The following IL17F variants were observed in gnomAD, a reference collection of about 807,000 sequenced individuals.
IL17F encodes interleukin 17F.
In IL17F, 6 loss-of-function variants were observed where a neutral mutation model predicts 8.3. That is an observed-to-expected ratio of 0.73 (90% CI 0.40 to 1.43). The LOEUF (loss-of-function observed/expected upper bound fraction) is 1.43, where lower values mean the gene tolerates loss of function less well. Ranked by LOEUF, IL17F falls within the 40% of genes most tolerant of loss-of-function variation. The pLI, the probability that IL17F is intolerant of heterozygous loss-of-function variation, is 0.02. For synonymous variants in IL17F, 98 were observed against 81.6 expected, an observed-to-expected ratio of 1.20 and a Z score of -1.08; for missense variants, 204 against 209.6, an observed-to-expected ratio of 0.97 and a Z score of 0.17.
chr6:52,243,299 A>G (rs1444617597), intron 1 of IL17F, among the ~76,000 whole-genome samples: 1 of 152,234 alleles, frequency 6.6e-6, no homozygotes, highest in East Asian at 1.9e-4. Flanking sequence ...GTACCTCTAT[A>G]GTAAATTCTT....
chr6:52,242,580 T>C (rs538131328), intron 1 of IL17F, among the ~76,000 whole-genome samples: 31 of 152,332 alleles, frequency 2.0e-4, no homozygotes, highest in African/African-American at 6.0e-4. Flanking sequence ...TGCAATGGCT[T>C]TAAATTCACA....
chr6:52,238,036 G>A (rs201030654), intron 2 of IL17F, among the ~76,000 whole-genome samples: 4 of 152,294 alleles, frequency 2.6e-5, no homozygotes, highest in African/African-American at 7.2e-5. Flanking sequence ...TCATCCACTC[G>A]CTAAGCTGGA....
At chr6:52,245,634 C>A (rs1764147252), upstream of IL17F, among the ~76,000 whole-genome samples, 1 of 152,222 alleles carries the variant, frequency 6.6e-6, no homozygotes. Context: ...TTTCTTAGAA[C>A]TTCCACAAGT....
At chr6:52,239,160 C>T (rs1464442541) in intron 1 of IL17F, 1 of 574,488 alleles carries the variant, frequency 1.7e-6, no homozygotes, top group Non-Finnish European at 3.1e-6. Flanking sequence ...TAGCTAGTAA[C>T]TGAAGCCCTC....
upstream of IL17F, among the ~76,000 whole-genome samples, chr6:52,245,551 A>C (rs1313246376): frequency 6.6e-6 from 1 of 152,264 alleles, no homozygotes; most frequent in East Asian, 1.9e-4. Flanking sequence ...AAGGGTCACA[A>C]GCACAGAAGT....
chr6:52,242,062 G>A (rs722323), intron 1 of IL17F, among the ~76,000 whole-genome samples: 63,619 of 152,052 alleles, frequency 0.42, 13,786 homozygotes, highest in East Asian at 0.5. Flanking sequence ...ATGTAATACA[G>A]AGCAGGGGCT....
Position 52,237,043 on chromosome 6 carries a change from G to T in IL17F, c.380C>A (p.Thr127Asn), listed in dbSNP as rs780259967. The change falls in exon 3 of 3, where the codon ACC becomes AAC. Residue 127 changes from threonine to asparagine, a missense_variant. Physicochemically the swap from Thr to Asn is moderately conservative, Grantham distance 65. Coordinates refer to ENST00000336123, the MANE Select transcript of IL17F (RefSeq NM_052872.4). ...TTGGTGCTTCCTCCGGACGACCAGG[G>T]TCTCTTGCTGGATGGGAACGGAATT... ...SMNSVPIQQETLVVRRKHQGC... is the reference protein window; with the variant it reads ...SMNSVPIQQENLVVRRKHQGC... 1.9e-6 allele frequency: 3 copies of T among 1,614,244 alleles called. No homozygotes were observed. The Admixed American group carries it at 5.0e-5, about 27-fold the overall frequency.
intron 1 of IL17F, among the ~76,000 whole-genome samples, chr6:52,243,317 C>T (rs2128268708): frequency 6.6e-6 from 1 of 152,290 alleles, no homozygotes; most frequent in African/African-American, 2.4e-5. Flanking sequence ...CTTCTCAGGC[C>T]TTATCTGACT....
intron 2 of IL17F, among the ~76,000 whole-genome samples, chr6:52,237,406 C>T (rs764848342): frequency 1.3e-5 from 2 of 152,186 alleles, no homozygotes; most frequent in Non-Finnish European, 2.9e-5. Context: ...TCTCATGCAA[C>T]TGTTGAGAAT....
Position 52,237,047 on chromosome 6 carries a change from C to T in IL17F, c.376G>A (p.Glu126Lys). Residue 126 changes from glutamate to lysine, a missense_variant, in exon 3 of 3, where the codon GAG becomes AAG. Coordinates refer to ENST00000336123, the MANE Select transcript of IL17F (RefSeq NM_052872.4). ...ISMNSVPIQQ[E>K]TLVVRRKHQG... is the part of the protein sequence containing the mutation. Reference sequence around the variant, plus strand: ...TGCTTCCTCCGGACGACCAGGGTCTCTTGCTGGATGGGAACGGAATTCATG... The same window carrying T: ...TGCTTCCTCCGGACGACCAGGGTCTTTTGCTGGATGGGAACGGAATTCATG... 1.2e-6 allele frequency: 2 copies of T among 1,614,254 alleles called. No individual in the cohort carries two copies. The highest frequency in any genetic ancestry group is 1.7e-6 in the Non-Finnish European group (2 of 1,180,024).
At chr6:52,243,590 T>C (rs1171008519) in intron 1 of IL17F, among the ~76,000 whole-genome samples, 3 of 152,166 alleles carry the variant, frequency 2.0e-5, no homozygotes, top group Admixed American at 6.5e-5. Context: ...ACATAATCCC[T>C]AAAGTGCTGG....
At position 52,236,964 on chromosome 6, in the gene IL17F, G is replaced by T. The variant is rs1414979462; in HGVS notation, c.459C>A (p.Thr153=). 6.2e-7 allele frequency: 1 copy of T among 1,614,022 alleles called. No individual in the cohort carries two copies. Among genetic ancestry groups the T allele is most frequent in the African/African-American group, 1.3e-5 (1 of 74,918 alleles). ...LEKVLVTVGC[T]CVTPVIHHVQ is the part of the protein sequence containing the mutation. ...CATGGTGGATGACAGGGGTGACGCA[G>T]GTGCAGCCAACAGTCACCAGCACCT... Residue 153 remains threonine, a synonymous_variant, in exon 3 of 3, where the codon ACC becomes ACA. Transcript: ENST00000336123.
chr6:52,241,673 A>G (rs111316048), intron 1 of IL17F, among the ~76,000 whole-genome samples: 483 of 152,278 alleles, frequency 3.2e-3, no homozygotes, highest in African/African-American at 0.011. Context: ...CTCTTTAAAC[A>G]CTGGATTTTC....
intron 1 of IL17F, among the ~76,000 whole-genome samples, chr6:52,243,941 T>G (rs550201972): frequency 5.3e-5 from 8 of 152,302 alleles, no homozygotes; most frequent in Non-Finnish European, 8.8e-5. Flanking sequence ...TTTGTATTTT[T>G]AGTAGAGACA....
At chr6:52,238,612 T>C (rs1764010434) in intron 2 of IL17F, 118 bp downstream of exon 2, 1 of 936,078 alleles carries the variant, frequency 1.1e-6, no homozygotes. Context: ...GAAATTTTCA[T>C]TGTTAAGAGG....
In IL17F at chr6:52,236,976, A is replaced by T. The variant is rs1446649876; in HGVS notation, c.447T>A (p.Thr149=). 1.9e-6 allele frequency: 3 copies of T among 1,614,054 alleles called. No homozygotes were observed. Among genetic ancestry groups the T allele is most frequent in the Non-Finnish European group, 2.5e-6 (3 of 1,179,990 alleles). ...CAGGGGTGACGCAGGTGCAGCCAAC[A>T]GTCACCAGCACCTTCTCCAACTGGA... ...VSFQLEKVLV[T]VGCTCVTPVI... The change falls in exon 3 of 3, where the codon ACT becomes ACA. Residue 149 remains threonine (T), a synonymous_variant. Transcript: ENST00000336123.
Position 52,238,811 on chromosome 6 carries a change from T to A in IL17F, c.173A>T (p.Asp58Val). Residue 58 changes from aspartate to valine, a missense_variant, in exon 2 of 3, where the codon GAC becomes GTC. Physicochemically the swap from Asp to Val is radical, Grantham distance 152. Transcript: ENST00000336123. ...PPVPGGSMKL[D>V]IGIINENQRV... ...CTGGTTTTCATTGATGATGCCAATG[T>A]CAAGCTTCATACTACCTCCTGGCAC... 6.2e-7 allele frequency: 1 copy of A among 1,614,162 alleles called. No individual in the cohort carries two copies. The highest frequency in any genetic ancestry group is 8.5e-7 in the Non-Finnish European group (1 of 1,179,990).
Position 52,237,128 on chromosome 6 carries a change from G to C in IL17F, c.295C>G (p.Gln99Glu). ...DPNRYPSEVVQAQCRNLGCIN... is the reference protein window; with the variant it reads ...DPNRYPSEVVEAQCRNLGCIN... The stretch of plus-strand genomic sequence containing the variant: ...CAGCCCAAGTTCCTACACTGGGCCT[G>C]TACAACTTCCGAGGGGTACCGGTTG... Residue 99 changes from glutamine (Q) to glutamate (E), a missense_variant, in exon 3 of 3, where the codon CAG becomes GAG. Physicochemically the swap from Gln to Glu is conservative, Grantham distance 29. Transcript: ENST00000336123. The C allele has an allele frequency of 6.2e-7, 1 of 1,614,144 alleles. No homozygotes were observed. The highest frequency in any genetic ancestry group is 8.5e-7 in the Non-Finnish European group (1 of 1,180,002).
At chr6:52,244,077 T>C (rs1764119127) in intron 1 of IL17F, among the ~76,000 whole-genome samples, 2 of 152,026 alleles carry the variant, frequency 1.3e-5, no homozygotes, top group Non-Finnish European at 2.9e-5. Context: ...GTATTTTTAG[T>C]AGAGACCGGG....
Sources: allele counts gnomAD v4.1 joint callset (sites outside exome capture counted in the v4.1 genomes callset), GRCh38; gene constraint gnomAD v4.1.1; transcripts MANE v1.5; gene names NCBI Gene and HGNC (gene_info 2026-07-23, HGNC 2026-07-21).